Variants in KANSL1L observed in about 807,000 individuals in gnomAD.
KANSL1L encodes KAT8 regulatory NSL complex subunit 1-like protein.
Under a neutral mutation model 108.6 loss-of-function variants are expected in KANSL1L, and 25 were observed. The observed-to-expected ratio is 0.23, with a 90% CI of 0.17 to 0.32. KANSL1L has a LOEUF of 0.32. Among genes scored for constraint, KANSL1L ranks in the 10% least tolerant of loss-of-function variants. The pLI is 1.00. For missense variants in KANSL1L, 1,137 were observed against 1,125.7 expected, an observed-to-expected ratio of 1.01 and a Z score of -0.14; for synonymous variants, 405 against 395.1, an observed-to-expected ratio of 1.03 and a Z score of -0.30.
At chr2:210,028,485 A>G (rs1466926580) in intron 11 of KANSL1L, 1 of 148,760 alleles carries the variant, frequency 6.7e-6, no homozygotes, top group Non-Finnish European at 1.4e-5. Flanking sequence ...AACTCTTTGC[A>G]ACTTATGTCA....
chr2:210,069,573 C>T (rs2094491670), intron 6 of KANSL1L, among the ~76,000 whole-genome samples: 1 of 152,032 alleles, frequency 6.6e-6, no homozygotes. Flanking sequence ...TTTAAAGCAA[C>T]AGAAATTAAT....
intron 3 of KANSL1L, among the ~76,000 whole-genome samples, chr2:210,121,072 T>A (rs2095014604): frequency 1.3e-5 from 2 of 152,202 alleles, no homozygotes; most frequent in Admixed American, 1.3e-4. Flanking sequence ...TCAGCCATTG[T>A]GGAAGACAGT....
chr2:210,161,041 T>C (rs573432816), intron 1 of KANSL1L, among the ~76,000 whole-genome samples: 65 of 146,144 alleles, frequency 4.4e-4, no homozygotes, highest in Admixed American at 1.1e-3. Context: ...CAGGCTGGAG[T>C]GCAATGGCGT....
intron 1 of KANSL1L, among the ~76,000 whole-genome samples, chr2:210,163,624 A>G (rs1231138848): frequency 6.6e-6 from 1 of 152,186 alleles, no homozygotes; most frequent in African/African-American, 2.4e-5. Flanking sequence ...AATTTCTCCA[A>G]ATTAATGTCA....
chr2:210,139,321 T>C (rs910812711), intron 2 of KANSL1L, among the ~76,000 whole-genome samples: 9 of 152,182 alleles, frequency 5.9e-5, no homozygotes, highest in African/African-American at 2.2e-4. Context: ...CATCTGTCAA[T>C]GGTCAGTTTG....
At chr2:210,146,434 G>A (rs575909633) in intron 2 of KANSL1L, among the ~76,000 whole-genome samples, 23 of 152,276 alleles carry the variant, frequency 1.5e-4, no homozygotes, top group South Asian at 6.2e-4. Flanking sequence ...AAAGGTGATC[G>A]TTTCCGATGA....
chr2:210,156,103 C>A (rs1241911725), intron 1 of KANSL1L, among the ~76,000 whole-genome samples: 1 of 152,070 alleles, frequency 6.6e-6, no homozygotes, highest in Non-Finnish European at 1.5e-5. Flanking sequence ...GGAATTCCTA[C>A]AAATGAGCAA....
chr2:210,069,770 A>G (rs1188822621), intron 6 of KANSL1L, among the ~76,000 whole-genome samples: 9 of 63,812 alleles, frequency 1.4e-4, no homozygotes, highest in Admixed American at 8.7e-4. Flanking sequence ...TAACTTATTT[A>G]TTTATTGCCC....
intron 2 of KANSL1L, among the ~76,000 whole-genome samples, chr2:210,130,009 A>C (rs1314130710): frequency 6.7e-6 from 1 of 148,650 alleles, no homozygotes; most frequent in African/African-American, 2.4e-5. Context: ...AAAAAAACTG[A>C]CAGAAACTGA....
intron 6 of KANSL1L, among the ~76,000 whole-genome samples, chr2:210,072,890 A>G (rs1260988930): frequency 6.6e-6 from 1 of 152,164 alleles, no homozygotes; most frequent in Non-Finnish European, 1.5e-5. Context: ...TTGTCCAATC[A>G]ATCTTTACTA....
intron 8 of KANSL1L, among the ~76,000 whole-genome samples, chr2:210,033,268 C>T (rs1022980477): frequency 6.6e-6 from 1 of 151,998 alleles, no homozygotes; most frequent in Non-Finnish European, 1.5e-5. Flanking sequence ...ATGATAATAC[C>T]CTGAAAGTTA....
At chr2:210,095,350 T>C (rs1385370564) in intron 5 of KANSL1L, among the ~76,000 whole-genome samples, 26 of 152,032 alleles carry the variant, frequency 1.7e-4, no homozygotes, top group Admixed American at 1.7e-3. Context: ...CCAATTCTCT[T>C]ACTAATTCAC....
chr2:210,163,023 C>A (rs2125678222), intron 1 of KANSL1L, among the ~76,000 whole-genome samples: 1 of 152,248 alleles, frequency 6.6e-6, no homozygotes, highest in South Asian at 2.1e-4. Flanking sequence ...CACTGGAATA[C>A]AGAACATCTT....
rs79865329 is a variant in KANSL1L, at chr2:210,104,242, T to C, written c.1290A>G (p.Gln430=). ...LPKDILKKQM[Q]FADQAASLNI... ...TTAGTGAAGCTGCTTGGTCTGCAAA[T>C]TGCATTTGTTTTTTCAAAATATCTT... Residue 430 remains glutamine (Q), a synonymous_variant, in exon 4 of 15, where the codon CAA becomes CAG. Coordinates refer to ENST00000281772, the MANE Select transcript of KANSL1L (RefSeq NM_152519.4). 5,310 of 1,613,916 alleles carry C rather than the reference T, an allele frequency of 3.3e-3. 16 individuals are homozygous for C. Among genetic ancestry groups the C allele is most frequent in the Middle Eastern group, 6.4e-3 (39 of 6,058 alleles).
At chr2:210,050,781 T>G (rs2094283504) in intron 6 of KANSL1L, among the ~76,000 whole-genome samples, 1 of 152,002 alleles carries the variant, frequency 6.6e-6, no homozygotes, top group African/African-American at 2.4e-5. Context: ...GCAGGATCAC[T>G]TGAGCCCAGG....
At chr2:210,134,291 G>C (rs1333401510) in intron 2 of KANSL1L, among the ~76,000 whole-genome samples, 1 of 151,912 alleles carries the variant, frequency 6.6e-6, no homozygotes, top group Non-Finnish European at 1.5e-5. Flanking sequence ...TTAAGTCCTT[G>C]AGCATATTTA....
intron 6 of KANSL1L, among the ~76,000 whole-genome samples, chr2:210,065,311 AAAAAAG>A (rs2094457604): frequency 1.3e-5 from 2 of 150,708 alleles, no homozygotes; most frequent in South Asian, 4.2e-4. Context: ...AAAAAAAAAA[AAAAAAG>A]AATCTGTTAC....
chr2:210,128,372 G>A (rs979028667), intron 3 of KANSL1L, among the ~76,000 whole-genome samples: 11 of 151,932 alleles, frequency 7.2e-5, no homozygotes, highest in South Asian at 2.1e-4. Flanking sequence ...GTCCATCAAC[G>A]GATGAATGAA....
chr2:210,110,088 C>T (rs2094889636), intron 3 of KANSL1L, among the ~76,000 whole-genome samples: 1 of 152,174 alleles, frequency 6.6e-6, no homozygotes, highest in Non-Finnish European at 1.5e-5. Context: ...CAATCACACC[C>T]ACAGTTCTCT....
Sources: gnomAD v4.1 joint callset for allele counts (sites outside exome capture counted in the v4.1 genomes callset) on GRCh38, gnomAD v4.1.1 for gene constraint, MANE v1.5 for transcripts, NCBI Gene and HGNC (gene_info 2026-07-23, HGNC 2026-07-21) for gene names.